LARP6: variants seen among roughly 807,000 people sequenced by gnomAD.
LARP6 encodes the protein La ribonucleoprotein 6, translational regulator, also known as la-related protein 6.
In LARP6, 18 loss-of-function variants were observed where a neutral mutation model predicts 32.8. The ratio of observed to expected loss-of-function variants is 0.55; its 90% confidence interval spans 0.38 to 0.81. The LOEUF (loss-of-function observed/expected upper bound fraction) is 0.81, where lower values mean the gene tolerates loss of function less well. Ranked by LOEUF, LARP6 falls within the 40% of genes least tolerant of loss-of-function variation. The pLI, the probability that LARP6 is intolerant of heterozygous loss-of-function variation, is 0.00. For synonymous variants in LARP6, 289 were observed against 267.2 expected, an observed-to-expected ratio of 1.08 and a Z score of -0.80; for missense variants, 598 against 663.1, an observed-to-expected ratio of 0.90 and a Z score of 1.08.
At chr15:70,845,944 A>T (rs933883589) in intron 1 of LARP6, among the ~76,000 whole-genome samples, 4 of 152,242 alleles carry the variant, frequency 2.6e-5, no homozygotes, top group African/African-American at 9.6e-5. Context: ...AGCTCATTCA[A>T]TTCCTTTAGA....
rs533386348 is a variant in LARP6 at position 70,840,619 on chromosome 15, C to T, written c.201-4114G>A. On this transcript the variant is annotated intron_variant, in intron 1 of 2. Transcript: ENST00000299213. ...AATAACTACAAATGCAAAGGGAATT[C>T]CCGGCCCAGCTAACAAAGATGTCAG... Among the ~76,000 whole-genome samples the T allele has an allele frequency of 4.5e-4, 68 of 152,230 alleles. 2 individuals are homozygous for T. The South Asian group carries it at 0.013, about 30-fold the overall frequency.
At chr15:70,840,475 G>A (rs931677436) in intron 1 of LARP6, among the ~76,000 whole-genome samples, 2 of 152,194 alleles carry the variant, frequency 1.3e-5, no homozygotes, top group Non-Finnish European at 2.9e-5. Flanking sequence ...GGCGGGCGGA[G>A]GTTGCAGTGA....
chr15:70,853,140 A>G (rs559792413), intron 1 of LARP6: 112 of 152,236 alleles, frequency 7.4e-4, no homozygotes, highest in African/African-American at 2.6e-3. Flanking sequence ...AAGGTGCCTG[A>G]GGACAAAGCT....
intron 1 of LARP6, among the ~76,000 whole-genome samples, chr15:70,851,122 T>C (rs2141059642): frequency 6.6e-6 from 1 of 152,320 alleles, no homozygotes; most frequent in Non-Finnish European, 1.5e-5. Context: ...TAGTTAATTT[T>C]CTCAGTTGCA....
At chr15:70,847,097 C>T (rs145174546) in intron 1 of LARP6, among the ~76,000 whole-genome samples, 235 of 152,230 alleles carry the variant, frequency 1.5e-3, no homozygotes, top group Non-Finnish European at 2.7e-3. Context: ...AAAAGTATCA[C>T]CAATGTAAAG....
chr15:70,851,525 GATAAGGC>G, intron 1 of LARP6: 1 of 1,498,834 alleles, frequency 6.7e-7, no homozygotes. Flanking sequence ...AAAGGAATAA[GATAAGGC>G]AGCTGCCTTC....
Position 70,832,278 on chromosome 15 carries a change from A to G in LARP6, c.1250T>C (p.Met417Thr). The change falls in exon 3 of 3, where the codon ATG becomes ACG. Residue 417 changes from methionine (M) to threonine (T), a missense_variant. Met to Thr is a moderately conservative substitution (Grantham distance 81). This residue lies in a region of LARP6 where 368 missense variants were observed against 397.9 expected (regional missense o/e 0.92). Transcript: ENST00000299213. ...STSPEIFRKC[M>T]DYSSDSSVTP... ...GACGCTGCTGTCAGAGGAATAATCC[A>G]TACACTTGCGGAAGATCTCAGGGCT... is the stretch of plus-strand genomic sequence containing the variant. 1 of 1,614,146 alleles carries G rather than the reference A, an allele frequency of 6.2e-7. No homozygotes were observed. The highest frequency in any genetic ancestry group is 1.3e-5 in the African/African-American group (1 of 75,038).
At position 70,853,947 on chromosome 15, in the gene LARP6, G is replaced by A; in HGVS notation, c.142C>T (p.Arg48Trp). 1.4e-6 allele frequency: 2 copies of A among 1,446,612 alleles called. No individual in the cohort carries two copies. The highest frequency in any genetic ancestry group is 2.1e-4 in the Middle Eastern group (1 of 4,696). The allele number at this position is 1,446,612 out of a possible 1,614,324, so 89.6% of individuals were successfully genotyped here. A position where few individuals can be genotyped will look rare whatever the true frequency, so the allele number is the denominator to read the frequency against. ...AETRGAGDPARYLSPGWGSAS... is the reference protein window; with the variant it reads ...AETRGAGDPAWYLSPGWGSAS... ...CTGCCCCAGCCGGGGCTGAGGTACC[G>A]GGCCGGGTCCCCGGCGCCCCGAGTC... Residue 48 changes from arginine to tryptophan, a missense_variant, in exon 1 of 3, where the codon CGG becomes TGG. Physicochemically the swap from Arg to Trp is moderately radical, Grantham distance 101. Around this residue, in one of 3 missense-constraint regions of LARP6, gnomAD observed 161 missense variants for 148.6 expected, o/e 1.08. Coordinates refer to ENST00000299213, the MANE Select transcript of LARP6 (RefSeq NM_018357.4).
chr15:70,853,214 A>ACCCCCCCCCCCCCCCCCCCC (rs10709838), intron 1 of LARP6: 1 of 100,844 alleles, frequency 9.9e-6, no homozygotes, highest in Non-Finnish European at 2.1e-5. Flanking sequence ...ACCCAGGAAC[A>ACCCCCCCCCCCCCCCCCCCC]CCCCCCCCCC....
intron 1 of LARP6, among the ~76,000 whole-genome samples, chr15:70,846,564 G>A (rs567722047): frequency 6.6e-6 from 1 of 152,106 alleles, no homozygotes; most frequent in South Asian, 2.1e-4. Context: ...AGCCATGACT[G>A]CGCCACTGCA....
At chr15:70,851,489 G>C (rs1320261780) in intron 1 of LARP6, 16 of 1,413,832 alleles carry the variant, frequency 1.1e-5, no homozygotes, top group Non-Finnish European at 1.5e-5. Flanking sequence ...TATAAGCTAG[G>C]TATTAGGCTA....
intron 1 of LARP6, among the ~76,000 whole-genome samples, chr15:70,846,774 G>C (rs1250688800): frequency 6.6e-6 from 1 of 152,060 alleles, no homozygotes; most frequent in African/African-American, 2.4e-5. Flanking sequence ...CAAACAAACA[G>C]AAAGACATAG....
At chr15:70,839,056 G>T (rs768213492) in intron 1 of LARP6, among the ~76,000 whole-genome samples, 4 of 152,254 alleles carry the variant, frequency 2.6e-5, no homozygotes, top group African/African-American at 9.6e-5. Flanking sequence ...TATAGGCATT[G>T]GTTGATTAAA....
At chr15:70,851,194 T>G (rs2032441609) in intron 1 of LARP6, among the ~76,000 whole-genome samples, 1 of 152,212 alleles carries the variant, frequency 6.6e-6, no homozygotes, top group South Asian at 2.1e-4. Context: ...GTATTTAAGG[T>G]ATAATCTTGT....
In LARP6 at chr15:70,830,346, TG is replaced by T. The variant is rs2032017756; in HGVS notation, c.*1705del. ...ACTTCAGCAGCTGCATGTGTGATACTGGCATAATAATTCCTTATGATGGACA... is the reference window on the plus strand; with the variant it reads ...ACTTCAGCAGCTGCATGTGTGATACTGCATAATAATTCCTTATGATGGACA... On this transcript the variant is annotated 3_prime_UTR_variant, in exon 3 of 3. Coordinates refer to ENST00000299213, the MANE Select transcript of LARP6 (RefSeq NM_018357.4). 1 of 152,286 alleles carries T rather than the reference TG, an allele frequency of 6.6e-6. No individual in the cohort carries two copies. The highest frequency in any genetic ancestry group is 6.5e-5 in the Admixed American group (1 of 15,286). 9.4% of individuals were successfully genotyped at this position (152,286 alleles called of 1,614,324 possible).
At chr15:70,844,371 CTCTT>C (rs200526302) in intron 1 of LARP6, among the ~76,000 whole-genome samples, 1,810 of 152,324 alleles carry the variant, frequency 0.012, 38 homozygotes, top group African/African-American at 0.041. Context: ...GTCCTACTCT[CTCTT>C]CCATCTCACC....
chr15:70,832,925 G>T lies in LARP6; in HGVS notation c.603C>A (p.Ala201=). 1 of 1,602,212 alleles carries T rather than the reference G, an allele frequency of 6.2e-7. No individual in the cohort carries two copies. Among genetic ancestry groups the T allele is most frequent in the South Asian group, 1.1e-5 (1 of 89,056 alleles). Residue 201 remains alanine, a synonymous_variant, in exon 3 of 3, where the codon GCC becomes GCA. Coordinates refer to ENST00000299213, the MANE Select transcript of LARP6 (RefSeq NM_018357.4). ...LYLSPKLWAL[A]TPQKNGRVQE... is the part of the protein sequence containing the mutation. The stretch of plus-strand genomic sequence containing the variant: ...GCACCCTTCCATTCTTCTGGGGGGT[G>T]GCCAGAGCCCACAGCTTAGGAGACA...
At chr15:70,851,296 G>GGGTA (rs1322623640) in intron 1 of LARP6, 2 of 235,028 alleles carry the variant, frequency 8.5e-6, no homozygotes, top group African/African-American at 4.5e-5. Context: ...TCTAGATGAT[G>GGGTA]GGTATATGAA....
chr15:70,837,734 G>C (rs1342521790), intron 1 of LARP6, among the ~76,000 whole-genome samples: 1 of 152,054 alleles, frequency 6.6e-6, no homozygotes, highest in African/African-American at 2.4e-5. Context: ...CATCTGCCTT[G>C]GCCTCCCAAA....
Sources: gnomAD v4.1 joint callset for allele counts (sites outside exome capture counted in the v4.1 genomes callset) on GRCh38, gnomAD v4.1.1 for gene constraint, gnomAD v4.1.1 regional missense constraint, MANE v1.5 for transcripts, NCBI Gene and HGNC (gene_info 2026-07-23, HGNC 2026-07-21) for gene names.